Variants in LPP observed in about 807,000 individuals in gnomAD.
LPP encodes the protein lipoma-preferred partner.
LPP carries 38 observed loss-of-function variants against 60.4 expected under a neutral mutation model. That is an observed-to-expected ratio of 0.63 (90% CI 0.49 to 0.83). LPP has a LOEUF of 0.83. LPP is among the 40% of genes least tolerant of loss of function. The probability of loss-of-function intolerance (pLI) is 0.00; values close to 1 mark genes in which losing one functional copy is unlikely to be tolerated. For missense variants in LPP, 902 were observed against 783.6 expected, an observed-to-expected ratio of 1.15 and a Z score of -1.80; for synonymous variants, 328 against 290.8, an observed-to-expected ratio of 1.13 and a Z score of -1.30.
At chr3:188,318,419 A>AAC (rs61664294) in intron 2 of LPP, among the ~76,000 whole-genome samples, 26 of 57,996 alleles carry the variant, frequency 4.5e-4, no homozygotes, top group African/African-American at 2.0e-3. Flanking sequence ...CCAAAAAAAC[A>AAC]AAAAAAAAAA....
At chr3:188,371,423 C>G (rs905662084) in intron 3 of LPP, among the ~76,000 whole-genome samples, 2 of 151,274 alleles carry the variant, frequency 1.3e-5, no homozygotes, top group African/African-American at 4.9e-5. Flanking sequence ...TTAATTCTGT[C>G]AAGTCATCTT....
intron 9 of LPP, among the ~76,000 whole-genome samples, chr3:188,828,010 C>G (rs1756040227): frequency 6.6e-6 from 1 of 152,080 alleles, no homozygotes; most frequent in South Asian, 2.1e-4. Context: ...GACAGGCTCA[C>G]AATAGGATAA....
chr3:188,166,468 A>G (rs1359218459), intron 1 of LPP, among the ~76,000 whole-genome samples: 1 of 152,218 alleles, frequency 6.6e-6, no homozygotes, highest in African/African-American at 2.4e-5. Flanking sequence ...ACATAGCATA[A>G]TACTTATCTT....
In LPP at chr3:188,318,907, C is replaced by T. The variant is rs536232129; in HGVS notation, c.-66-22756C>T. 2.6e-3 allele frequency among the ~76,000 whole-genome samples: 394 copies of T among 150,498 alleles called. 3 individuals carry two copies. Among genetic ancestry groups the T allele is most frequent in the African/African-American group, 8.0e-3 (330 of 41,016 alleles). On this transcript the variant is annotated intron_variant, in intron 2 of 11. Coordinates refer to ENST00000617246, the MANE Select transcript of LPP (RefSeq NM_001375462.1). ...CCAAGTAGCTGGGACTACAGGCGCG[C>T]GCCACTACGCCCGGCTAATTTTTTG...
At chr3:188,739,560 G>C (rs1723691000) in intron 8 of LPP, among the ~76,000 whole-genome samples, 2 of 152,058 alleles carry the variant, frequency 1.3e-5, no homozygotes, top group Non-Finnish European at 2.9e-5. Flanking sequence ...TTCAAGTGAT[G>C]GGTCAGTGTA....
At chr3:188,236,303 T>C (rs1721906672) in intron 2 of LPP, among the ~76,000 whole-genome samples, 1 of 152,142 alleles carries the variant, frequency 6.6e-6, no homozygotes, top group African/African-American at 2.4e-5. Flanking sequence ...TGAGAAGGTC[T>C]TGATGGTAAG....
intron 5 of LPP, among the ~76,000 whole-genome samples, chr3:188,513,459 A>G (rs1560503397): frequency 6.6e-6 from 1 of 152,014 alleles, no homozygotes. Flanking sequence ...TCTGCTGCTT[A>G]AAAAGGGGGT....
At chr3:188,230,705 G>A (rs1036679325) in intron 2 of LPP, among the ~76,000 whole-genome samples, 4 of 151,530 alleles carry the variant, frequency 2.6e-5, no homozygotes, top group African/African-American at 7.3e-5. Flanking sequence ...CCCAGGAGGC[G>A]GAGGTTGCGG....
intron 3 of LPP, among the ~76,000 whole-genome samples, chr3:188,357,663 G>A (rs1268896952): frequency 6.6e-6 from 1 of 152,090 alleles, no homozygotes; most frequent in African/African-American, 2.4e-5. Context: ...GGTGAGATAA[G>A]GCAAGCATCC....
At chr3:188,566,951 CA>C (rs1832315504) in intron 6 of LPP, among the ~76,000 whole-genome samples, 1 of 151,776 alleles carries the variant, frequency 6.6e-6, no homozygotes, top group African/African-American at 2.4e-5. Context: ...CAAATGAGTG[CA>C]AATTGGTCTG....
At chr3:188,655,635 T>C (rs112975687) in intron 7 of LPP, among the ~76,000 whole-genome samples, 6 of 152,194 alleles carry the variant, frequency 3.9e-5, no homozygotes, top group African/African-American at 1.4e-4. Context: ...CTGGGTTGAA[T>C]AGATCACCAT....
chr3:188,497,823 A>G (rs1403349499), intron 5 of LPP, among the ~76,000 whole-genome samples: 1 of 152,176 alleles, frequency 6.6e-6, no homozygotes, highest in Non-Finnish European at 1.5e-5. Flanking sequence ...TAGCTCATTG[A>G]AAGTCATACA....
At chr3:188,709,712 T>C (rs1477614736) in intron 8 of LPP, 1 of 152,228 alleles carries the variant, frequency 6.6e-6, no homozygotes, top group Non-Finnish European at 1.5e-5. Context: ...GGTAAAGAAT[T>C]GGTGGCACTT....
At chr3:188,549,606 T>A (rs192420272) in intron 6 of LPP, among the ~76,000 whole-genome samples, 110 of 152,318 alleles carry the variant, frequency 7.2e-4, no homozygotes, top group African/African-American at 2.6e-3. Context: ...TGTAGCATTG[T>A]GCTTTATCTC....
chr3:188,555,927 T>C (rs1219744469), intron 6 of LPP, among the ~76,000 whole-genome samples: 1 of 152,038 alleles, frequency 6.6e-6, no homozygotes, highest in Non-Finnish European at 1.5e-5. Flanking sequence ...AATATTTTGA[T>C]GTCATGGAGA....
chr3:188,871,218 G>A (rs980797462), intron 10 of LPP, among the ~76,000 whole-genome samples: 3 of 152,138 alleles, frequency 2.0e-5, no homozygotes, highest in Admixed American at 6.5e-5. Flanking sequence ...CACAGAGTTT[G>A]GGGAAAGGAA....
At chr3:188,479,914 TTTAC>T (rs1187705352) in intron 4 of LPP, among the ~76,000 whole-genome samples, 1 of 152,228 alleles carries the variant, frequency 6.6e-6, no homozygotes, top group Non-Finnish European at 1.5e-5. Flanking sequence ...TAACTAGTAA[TTTAC>T]TTACTTTGCA....
At chr3:188,315,574 T>C (rs1754790322) in intron 2 of LPP, among the ~76,000 whole-genome samples, 1 of 152,206 alleles carries the variant, frequency 6.6e-6, no homozygotes, top group Admixed American at 6.5e-5. Context: ...ATAGTGTTTT[T>C]AATCTTATTT....
At chr3:188,639,252 A>C (rs1849530648) in intron 7 of LPP, among the ~76,000 whole-genome samples, 1 of 151,884 alleles carries the variant, frequency 6.6e-6, no homozygotes, top group South Asian at 2.1e-4. Context: ...CCTGAGAAAA[A>C]CAAGCAATGG....
Sources: gnomAD v4.1 joint callset for allele counts (sites outside exome capture counted in the v4.1 genomes callset) on GRCh38, gnomAD v4.1.1 for gene constraint, MANE v1.5 for transcripts, NCBI Gene and HGNC (gene_info 2026-07-23, HGNC 2026-07-21) for gene names.